Variants in KCNQ5 observed in about 807,000 individuals in gnomAD.
KCNQ5 encodes potassium voltage-gated channel subfamily KQT member 5.
A neutral mutation model predicts 98.2 loss-of-function variants in KCNQ5; 30 were observed. The ratio of observed to expected loss-of-function variants is 0.31; its 90% CI spans 0.23 to 0.41. KCNQ5 has a LOEUF of 0.41. Among genes scored for constraint, KCNQ5 ranks in the 10% least tolerant of loss-of-function variants. The pLI is 1.00. For synonymous variants in KCNQ5, 458 were observed against 449.4 expected (o/e 1.02, Z -0.24); for missense variants, 835 against 1,182.5 (o/e 0.71, Z 4.31).
intron 1 of KCNQ5, among the ~76,000 whole-genome samples, chr6:72,941,676 CT>C (rs1362927978): frequency 0.019 from 2 of 106 alleles, no homozygotes; most frequent in African/African-American, 0.028. Flanking sequence ...CTCTTTCTTT[CT>C]TTCTTTCTTT....
chr6:73,110,398 A>G (rs1194976384), intron 6 of KCNQ5, among the ~76,000 whole-genome samples: 2 of 152,180 alleles, frequency 1.3e-5, no homozygotes, highest in Non-Finnish European at 2.9e-5. Flanking sequence ...ATGTTAGTAG[A>G]CCAGAGCAAA....
At chr6:72,761,862 G>A (rs1039308248) in intron 1 of KCNQ5, among the ~76,000 whole-genome samples, 3 of 152,156 alleles carry the variant, frequency 2.0e-5, no homozygotes, top group African/African-American at 7.2e-5. Context: ...GATAGCAGGA[G>A]TAGTGGCTAG....
chr6:72,718,849 A>G (rs1012265495), intron 1 of KCNQ5, among the ~76,000 whole-genome samples: 6 of 152,094 alleles, frequency 3.9e-5, no homozygotes, highest in Non-Finnish European at 7.4e-5. Flanking sequence ...AGCTTCCATT[A>G]TAGGTTCCAT....
intron 1 of KCNQ5, among the ~76,000 whole-genome samples, chr6:72,834,932 C>T (rs908355787): frequency 1.3e-5 from 2 of 152,006 alleles, no homozygotes; most frequent in Non-Finnish European, 2.9e-5. Flanking sequence ...GAAATTGAGC[C>T]AGGTTTGTTT....
chr6:72,806,257 G>A (rs1205745983), intron 1 of KCNQ5, among the ~76,000 whole-genome samples: 1 of 152,020 alleles, frequency 6.6e-6, no homozygotes, highest in Non-Finnish European at 1.5e-5. Context: ...GACAATAGAG[G>A]CATCATTCCA....
At chr6:72,887,878 C>T (rs1475893936) in intron 1 of KCNQ5, among the ~76,000 whole-genome samples, 1 of 151,850 alleles carries the variant, frequency 6.6e-6, no homozygotes, top group African/African-American at 2.4e-5. Context: ...ATACTGTTAA[C>T]CAAGTGAGTG....
chr6:73,118,945 C>T (rs1775629435), intron 7 of KCNQ5, among the ~76,000 whole-genome samples: 1 of 152,182 alleles, frequency 6.6e-6, no homozygotes, highest in South Asian at 2.1e-4. Flanking sequence ...CGCTTGAACC[C>T]AGAAGGCAGA....
chr6:73,096,468 A>G (rs756075971), intron 5 of KCNQ5, among the ~76,000 whole-genome samples: 2 of 152,008 alleles, frequency 1.3e-5, no homozygotes, highest in Non-Finnish European at 2.9e-5. Flanking sequence ...AGAACCCTGC[A>G]GGCCATGGAG....
At chr6:73,051,491 G>A (rs1345929545) in intron 3 of KCNQ5, among the ~76,000 whole-genome samples, 1 of 152,120 alleles carries the variant, frequency 6.6e-6, no homozygotes, top group East Asian at 1.9e-4. Context: ...AGAGGTGCAG[G>A]AACACCTTAG....
intron 1 of KCNQ5, among the ~76,000 whole-genome samples, chr6:72,897,255 G>A (rs542750620): frequency 1.2e-4 from 18 of 151,950 alleles, no homozygotes; most frequent in African/African-American, 4.4e-4. Context: ...AAAAATGAGG[G>A]TCTAGCAGGG....
chr6:73,124,312 A>G (rs543064950), intron 8 of KCNQ5, among the ~76,000 whole-genome samples, 174 bp from the exon 9 acceptor site: 45 of 152,334 alleles, frequency 3.0e-4, no homozygotes, highest in African/African-American at 1.0e-3. Flanking sequence ...CACAAAGAAT[A>G]TATGTTAGCA....
At chr6:73,144,298 T>A (rs906105420) in intron 10 of KCNQ5, among the ~76,000 whole-genome samples, 1 of 152,166 alleles carries the variant, frequency 6.6e-6, no homozygotes, top group African/African-American at 2.4e-5. Flanking sequence ...CTTGCCATCT[T>A]TTTCTTCTTT....
rs1369199916 is a variant in KCNQ5, at chr6:73,195,415, GTTC to G, written c.*5_*7del. 6.2e-7 allele frequency: 1 copy of G among 1,609,312 alleles called. No homozygotes were observed. Among genetic ancestry groups the G allele is most frequent in the East Asian group, 2.2e-5 (1 of 44,744 alleles). On this transcript the variant is annotated 3_prime_UTR_variant, in exon 14 of 14. Transcript: ENST00000370398. ...CTTGCCTCATGTCAAACTGAAATAA[GTTC>G]TTCATTTTCTTTCCAGGCATAGCAG...
intron 5 of KCNQ5, among the ~76,000 whole-genome samples, chr6:73,098,806 T>A: frequency 6.6e-6 from 1 of 152,098 alleles, no homozygotes; most frequent in East Asian, 1.9e-4. Context: ...AAAAACCATC[T>A]AAGGGTAGAA....
chr6:73,194,717 C>T lies in KCNQ5; in HGVS notation c.2102C>T (p.Thr701Ile). The change falls in exon 14 of 14, where the codon ACT (threonine) becomes ATT (isoleucine). Residue 701 changes from threonine to isoleucine, a missense_variant. By Grantham distance (89) the Thr-to-Ile change is moderately conservative. Around this residue, in one of 10 missense-constraint regions of KCNQ5, gnomAD observed 416 missense variants for 446.9 expected, o/e 0.93. Transcript: ENST00000370398. ...ILTPNEFSAQ[T>I]FYALSPTMHS... ...ACGCCAAATGAGTTCAGTGCCCAGA[C>T]TTTCTACGCGCTTAGCCCTACTATG... 1 of 1,614,270 alleles carries T rather than the reference C, an allele frequency of 6.2e-7. No individual in the cohort carries two copies. Among genetic ancestry groups the T allele is most frequent in the Non-Finnish European group, 8.5e-7 (1 of 1,180,052 alleles).
intron 1 of KCNQ5, among the ~76,000 whole-genome samples, chr6:72,819,159 T>G (rs1775639104): frequency 6.6e-6 from 1 of 152,006 alleles, no homozygotes; most frequent in African/African-American, 2.4e-5. Context: ...TTTAATTATT[T>G]TTTAAAATTT....
intron 10 of KCNQ5, among the ~76,000 whole-genome samples, chr6:73,167,696 AACCAGTAAAG>A (rs1477794068): frequency 6.6e-6 from 1 of 152,212 alleles, no homozygotes; most frequent in Non-Finnish European, 1.5e-5. Flanking sequence ...GAGACTGGAT[AACCAGTAAAG>A]ACTAGAAATT....
At chr6:72,684,477 G>C (rs1027237044) in intron 1 of KCNQ5, among the ~76,000 whole-genome samples, 1 of 152,212 alleles carries the variant, frequency 6.6e-6, no homozygotes, top group Admixed American at 6.5e-5. Context: ...TCTTTCATCA[G>C]TGTCTTTGAG....
intron 1 of KCNQ5, among the ~76,000 whole-genome samples, chr6:72,790,517 G>A (rs913812681): frequency 2.0e-5 from 3 of 152,178 alleles, no homozygotes; most frequent in Non-Finnish European, 4.4e-5. Context: ...GTAGTGATGG[G>A]TGCGGTTCTT....
Sources: gnomAD v4.1 joint callset for allele counts (sites outside exome capture counted in the v4.1 genomes callset) on GRCh38, gnomAD v4.1.1 for gene constraint, gnomAD v4.1.1 regional missense constraint, MANE v1.5 for transcripts, NCBI Gene and HGNC (gene_info 2026-07-23, HGNC 2026-07-21) for gene names.